TEK: variants seen among roughly 807,000 people sequenced by gnomAD.
TEK encodes the protein angiopoietin-1 receptor.
In TEK, 43 loss-of-function variants were observed where a neutral mutation model predicts 131.8. The observed-to-expected ratio is 0.33, with a 90% confidence interval of 0.26 to 0.42. The LOEUF (loss-of-function observed/expected upper bound fraction) is 0.42, where lower values mean the gene tolerates loss of function less well. Among genes scored for constraint, TEK ranks in the 10% least tolerant of loss-of-function variants. The pLI is 1.00. For synonymous variants in TEK, 580 were observed against 491.6 expected (o/e 1.18, Z -2.38); for missense variants, 1,162 against 1,384.4 (o/e 0.84, Z 2.55).
rs970280416 is a variant in TEK at position 27,210,450 on chromosome 9, C to T, written c.2686+1219C>T. ...GTGTTATGACAGGAAGCCAAGTGGC[C>T]GTGGTGGACAGACTAAACCAGTTTT... On this transcript the variant is annotated intron_variant, in intron 16 of 22. Coordinates refer to ENST00000380036, the MANE Select transcript of TEK (RefSeq NM_000459.5). The T allele has an allele frequency of 2.0e-5, 4 of 199,186 alleles. No individual in the cohort carries two copies. The South Asian group carries it at 3.3e-4, about 16-fold the overall frequency. 12.3% of individuals were successfully genotyped at this position (199,186 alleles called of 1,614,324 possible). A position where few individuals can be genotyped will look rare whatever the true frequency, so the allele number is the denominator to read the frequency against.
chr9:27,197,788 T>A (rs1358520160), intron 12 of TEK, among the ~76,000 whole-genome samples, 189 bp downstream of exon 12: 1 of 152,234 alleles, frequency 6.6e-6, no homozygotes, highest in Non-Finnish European at 1.5e-5. Flanking sequence ...GGATTTGCAA[T>A]AATTCAGGCA....
intron 1 of TEK, among the ~76,000 whole-genome samples, chr9:27,116,924 C>A (rs1315165131): frequency 2.8e-5 from 4 of 142,234 alleles, no homozygotes; most frequent in Non-Finnish European, 4.5e-5. Flanking sequence ...TGCAGTGGTG[C>A]GATCTCGGCT....
chr9:27,150,526 A>T (rs529085210), intron 1 of TEK, among the ~76,000 whole-genome samples: 1 of 152,136 alleles, frequency 6.6e-6, no homozygotes, highest in Non-Finnish European at 1.5e-5. Context: ...TGGGAGGATA[A>T]CTTGAGCCCT....
At chr9:27,129,479 T>C (rs1263791715) in intron 1 of TEK, among the ~76,000 whole-genome samples, 2 of 152,168 alleles carry the variant, frequency 1.3e-5, no homozygotes, top group Non-Finnish European at 2.9e-5. Flanking sequence ...CCCATGCCAC[T>C]TCCCCCTTGC....
At chr9:27,205,927 A>T (rs1273869311) in intron 14 of TEK, among the ~76,000 whole-genome samples, 1 of 151,972 alleles carries the variant, frequency 6.6e-6, no homozygotes, top group African/African-American at 2.4e-5. Context: ...GGCTCAATTC[A>T]GGCTGTCGCT....
At chr9:27,219,249 A>ATTCTTCATGCTTTTTAATG (rs1825949005) in intron 20 of TEK, among the ~76,000 whole-genome samples, 2 of 152,204 alleles carry the variant, frequency 1.3e-5, no homozygotes, top group Admixed American at 1.3e-4. Context: ...AATAACATTT[A>ATTCTTCATGCTTTTTAATG]TTCTTCATGC....
chr9:27,127,407 G>A (rs1364674741), intron 1 of TEK, among the ~76,000 whole-genome samples: 1 of 152,168 alleles, frequency 6.6e-6, no homozygotes, highest in Non-Finnish European at 1.5e-5. Context: ...CCAAGTCTTT[G>A]CTATCGTGAA....
intron 21 of TEK, among the ~76,000 whole-genome samples, chr9:27,226,862 C>T (rs1294035473): frequency 6.6e-6 from 1 of 152,114 alleles, no homozygotes; most frequent in Non-Finnish European, 1.5e-5. Flanking sequence ...GTGGTAGAAG[C>T]TAACTGGCAT....
At chr9:27,143,023 G>T (rs1265376055) in intron 1 of TEK, among the ~76,000 whole-genome samples, 1 of 152,220 alleles carries the variant, frequency 6.6e-6, no homozygotes, top group Non-Finnish European at 1.5e-5. Context: ...GTAGTGATTT[G>T]CACACTGCTC....
At chr9:27,136,531 C>T (rs1822447444) in intron 1 of TEK, among the ~76,000 whole-genome samples, 1 of 152,184 alleles carries the variant, frequency 6.6e-6, no homozygotes, top group African/African-American at 2.4e-5. Context: ...AGAACGGGAG[C>T]AATTTCTCCA....
chr9:27,180,870 T>G (rs1365058426), intron 7 of TEK, among the ~76,000 whole-genome samples: 1 of 152,208 alleles, frequency 6.6e-6, no homozygotes, highest in South Asian at 2.1e-4. Flanking sequence ...CCCACTATCT[T>G]TTTTTAAACA....
chr9:27,197,577 C>T lies in TEK; in HGVS notation c.1887C>T (p.Leu629=), dbSNP rs1825075899. ...TKAQGEWSED[L]TAWTLSDILP... ...CCCAGGGGGAATGGAGTGAAGATCT[C>T]ACTGCTTGGACCCTTAGTGACAGTA... The change falls in exon 12 of 23, where the codon CTC becomes CTT. Residue 629 remains leucine (L), a synonymous_variant. Transcript: ENST00000380036. 6.2e-7 allele frequency: 1 copy of T among 1,613,990 alleles called. No homozygotes were observed. Among genetic ancestry groups the T allele is most frequent in the Non-Finnish European group, 8.5e-7 (1 of 1,179,980 alleles).
chr9:27,186,322 G>T (rs1367778988), intron 9 of TEK, among the ~76,000 whole-genome samples: 1 of 152,102 alleles, frequency 6.6e-6, no homozygotes, highest in South Asian at 2.1e-4. Context: ...TTTTAAATCC[G>T]CAAGTTACTT....
intron 2 of TEK, among the ~76,000 whole-genome samples, chr9:27,164,599 G>A (rs7037447): frequency 0.17 from 26,039 of 152,100 alleles, 2,307 homozygotes; most frequent in South Asian, 0.24. Flanking sequence ...GATTACAGGC[G>A]TGAGCAACTA....
At chr9:27,138,088 T>G in intron 1 of TEK, among the ~76,000 whole-genome samples, 1 of 152,210 alleles carries the variant, frequency 6.6e-6, no homozygotes, top group Non-Finnish European at 1.5e-5. Flanking sequence ...GGGTTCGTGG[T>G]CTCACTGACC....
At chr9:27,146,318 C>T (rs73643155) in intron 1 of TEK, among the ~76,000 whole-genome samples, 1 of 152,280 alleles carries the variant, frequency 6.6e-6, no homozygotes, top group African/African-American at 2.4e-5. Context: ...TGTGTGTATA[C>T]AACTCTATGA....
rs1386891182 is a variant in TEK, at chr9:27,228,286, G to T, written c.3281G>T (p.Arg1094Ile). The T allele has an allele frequency of 1.2e-6, 2 of 1,612,440 alleles. No individual in the cohort carries two copies. The highest frequency in any genetic ancestry group is 1.7e-6 in the Non-Finnish European group (2 of 1,178,828). Reference sequence around the variant, plus strand: ...GCCCAGATATTGGTGTCCTTAAACAGAATGTTAGAGGAGCGAAAGGTAAGT... The same window carrying T: ...GCCCAGATATTGGTGTCCTTAAACATAATGTTAGAGGAGCGAAAGGTAAGT... ...SFAQILVSLN[R>I]MLEERKTYVN... The change falls in exon 22 of 23, where the codon AGA becomes ATA. Residue 1094 changes from arginine (R) to isoleucine (I), a missense_variant. Around this residue, in one of 6 missense-constraint regions of TEK, gnomAD observed 84 missense variants for 80.3 expected, o/e 1.05. Coordinates refer to ENST00000380036, the MANE Select transcript of TEK (RefSeq NM_000459.5).
intron 2 of TEK, among the ~76,000 whole-genome samples, chr9:27,168,046 T>C (rs1473411297): frequency 6.6e-6 from 1 of 152,176 alleles, no homozygotes; most frequent in African/African-American, 2.4e-5. Context: ...AATTTGATGC[T>C]CAAAGGAAAT....
At chr9:27,199,191 C>T (rs965854861) in intron 12 of TEK, among the ~76,000 whole-genome samples, 1 of 152,156 alleles carries the variant, frequency 6.6e-6, no homozygotes, top group African/African-American at 2.4e-5. Flanking sequence ...TTTTATCGAT[C>T]CATGTTTATT....
Sources: gnomAD v4.1 joint callset for allele counts (sites outside exome capture counted in the v4.1 genomes callset) on GRCh38, gnomAD v4.1.1 for gene constraint, gnomAD v4.1.1 regional missense constraint, MANE v1.5 for transcripts, NCBI Gene and HGNC (gene_info 2026-07-23, HGNC 2026-07-21) for gene names.